Variants in WIPF1 observed in about 807,000 individuals in gnomAD.
The protein encoded by WIPF1 is WAS/WASL-interacting protein family member 1.
A neutral mutation model predicts 35.4 loss-of-function variants in WIPF1; 13 were observed. The ratio of observed to expected loss-of-function variants is 0.37; its 90% CI spans 0.24 to 0.58. The LOEUF (loss-of-function observed/expected upper bound fraction) is 0.58. Ranked by LOEUF, WIPF1 falls within the 20% of genes least tolerant of loss-of-function variation. WIPF1 has a pLI of 0.74. For synonymous variants in WIPF1, 267 were observed against 266.3 expected (o/e 1.00, Z -0.02); for missense variants, 591 against 667.0 (o/e 0.89, Z 1.25).
Position 174,568,093 on chromosome 2 carries a change from T to G in WIPF1, c.1130-20A>C. ...GGGGGCCTGGAGCAAAAAAAGACAC[T>G]TAGTGCAGAACCTTACATCCACATT... is the stretch of plus-strand genomic sequence containing the variant. On this transcript the variant is annotated intron_variant, in intron 5 of 7. Coordinates refer to ENST00000679041, the MANE Select transcript of WIPF1 (RefSeq NM_001375834.1). The G allele has an allele frequency of 6.2e-7, 1 of 1,604,260 alleles. No individual in the cohort carries two copies. The highest frequency in any genetic ancestry group is 8.5e-7 in the Non-Finnish European group (1 of 1,176,366).
intron 1 of WIPF1, among the ~76,000 whole-genome samples, chr2:174,639,791 C>T (rs921861522): frequency 2.0e-5 from 3 of 152,144 alleles, no homozygotes; most frequent in Non-Finnish European, 4.4e-5. Flanking sequence ...TCCAGACCAA[C>T]GTCAAGAAGA....
Position 174,571,545 on chromosome 2 carries a change from G to A in WIPF1, c.1129+131C>T, listed in dbSNP as rs752104644. ...GAGGTCACGATCACACGTGTCGTGT[G>A]CCACTTAAAAGCACAAAGCAGTCTG... On this transcript the variant is annotated intron_variant, in intron 5 of 7. Coordinates refer to ENST00000679041, the MANE Select transcript of WIPF1 (RefSeq NM_001375834.1). This position sits in a 1 kb window ranked among gnomAD's most constrained non-coding sequence, Gnocchi z 4.6. 9.5e-6 allele frequency: 12 copies of A among 1,258,662 alleles called. No homozygotes were observed. In the African/African-American group the frequency reaches 1.2e-4, roughly 12 times the overall value. The allele number at this position is 1,258,662 out of a possible 1,614,324, so 78.0% of individuals were successfully genotyped here. A position where few individuals can be genotyped will look rare whatever the true frequency, so the allele number is the denominator to read the frequency against.
At chr2:174,585,000 T>C (rs1685358706) in intron 2 of WIPF1, among the ~76,000 whole-genome samples, 1 of 151,678 alleles carries the variant, frequency 6.6e-6, no homozygotes, top group African/African-American at 2.4e-5. Flanking sequence ...TAAAGGAGGA[T>C]GTGAATGTGT....
At position 174,562,637 on chromosome 2, in the gene WIPF1, T is replaced by G. The variant is rs761711103; in HGVS notation, c.1457-35A>C. 2.5e-6 allele frequency: 4 copies of G among 1,612,124 alleles called. No individual in the cohort carries two copies. In the East Asian group the frequency reaches 6.7e-5, roughly 27 times the overall value. On this transcript the variant is annotated intron_variant, in intron 7 of 7. Transcript: ENST00000679041. Reference sequence around the variant, plus strand: ...AAAACAGACAAAATATAATTTTGGTTAGAAAGCTGATGTTCTCATCGTGGA... The same window carrying G: ...AAAACAGACAAAATATAATTTTGGTGAGAAAGCTGATGTTCTCATCGTGGA...
At chr2:174,586,055 A>G (rs952773019) in intron 1 of WIPF1, among the ~76,000 whole-genome samples, 2 of 152,168 alleles carry the variant, frequency 1.3e-5, no homozygotes, top group South Asian at 2.1e-4. Flanking sequence ...TCTTCCTGAC[A>G]TTCGCCAAGT....
At chr2:174,670,776 T>C (rs752139225) in intron 1 of WIPF1, among the ~76,000 whole-genome samples, 24 of 152,324 alleles carry the variant, frequency 1.6e-4, no homozygotes, top group African/African-American at 2.9e-4. Context: ...GAATTCTCAA[T>C]GGCAATGCCC....
chr2:174,570,800 CATA>C (rs1684806324), intron 5 of WIPF1, among the ~76,000 whole-genome samples: 1 of 152,204 alleles, frequency 6.6e-6, no homozygotes, highest in Non-Finnish European at 1.5e-5. Flanking sequence ...CATTTCCAGA[CATA>C]ATAAGGTCTG....
intron 1 of WIPF1, among the ~76,000 whole-genome samples, chr2:174,606,735 T>C (rs1489300317): frequency 6.6e-6 from 1 of 152,224 alleles, no homozygotes; most frequent in Non-Finnish European, 1.5e-5. Flanking sequence ...AAGAGCTAAA[T>C]TGGCTTCTCT....
Position 174,571,364 on chromosome 2 carries a change from G to C in WIPF1, c.1129+312C>G, listed in dbSNP as rs1398395391. On this transcript the variant is annotated intron_variant, in intron 5 of 7. Transcript: ENST00000679041. The surrounding 1 kb of genome is among the most constrained non-coding windows in gnomAD (Gnocchi z 4.6). ...AAATTCTCTCTAGGGAGGCAGGGTA[G>C]TGGACTGGCAAGTACACTTCAGAGA... 1.7e-6 allele frequency: 1 copy of C among 579,054 alleles called. No homozygotes were observed. The highest frequency in any genetic ancestry group is 1.9e-5 in the African/African-American group (1 of 53,148). The allele number at this position is 579,054 out of a possible 1,614,324, so 35.9% of individuals were successfully genotyped here. A position where few individuals can be genotyped will look rare whatever the true frequency, so the allele number is the denominator to read the frequency against.
intron 1 of WIPF1, among the ~76,000 whole-genome samples, chr2:174,658,252 A>T (rs546189231): frequency 6.6e-6 from 1 of 152,296 alleles, no homozygotes; most frequent in East Asian, 1.9e-4. Flanking sequence ...ATAACCTCAC[A>T]CCCACACAAA....
At chr2:174,581,245 G>A in intron 3 of WIPF1, 65 bp downstream of exon 3, 2 of 1,593,196 alleles carry the variant, frequency 1.3e-6, no homozygotes, top group Non-Finnish European at 1.7e-6. Context: ...TGAGTGGTGA[G>A]GGTAGGGTTG....
At chr2:174,615,745 C>A (rs1287424591) in intron 1 of WIPF1, among the ~76,000 whole-genome samples, 2 of 152,104 alleles carry the variant, frequency 1.3e-5, no homozygotes, top group Non-Finnish European at 2.9e-5. Context: ...CAAAAGAGTT[C>A]TGTGGAATTC....
intron 1 of WIPF1, chr2:174,625,712 G>A (rs983325861): frequency 3.3e-5 from 5 of 152,106 alleles, no homozygotes; most frequent in Non-Finnish European, 1.5e-5. Flanking sequence ...TTATTCCAGG[G>A]TACTAACATA....
At chr2:174,630,007 C>T (rs1267920139) in intron 1 of WIPF1, 2 of 152,174 alleles carry the variant, frequency 1.3e-5, no homozygotes, top group African/African-American at 4.8e-5. Flanking sequence ...CTGAAGATAG[C>T]AGTATTCCAA....
intron 3 of WIPF1, among the ~76,000 whole-genome samples, chr2:174,576,680 A>G (rs2105819566): frequency 6.6e-6 from 1 of 152,352 alleles, no homozygotes; most frequent in South Asian, 2.1e-4. Flanking sequence ...TATTCTGTCT[A>G]GTCTTCTGGG....
intron 1 of WIPF1, among the ~76,000 whole-genome samples, chr2:174,621,738 TA>T (rs1307446071): frequency 5.9e-5 from 9 of 152,230 alleles, no homozygotes; most frequent in Non-Finnish European, 1.2e-4. Context: ...CGAGATATTT[TA>T]TATTGTCCTT....
chr2:174,633,781 C>T (rs149593433), intron 1 of WIPF1, among the ~76,000 whole-genome samples: 3 of 152,290 alleles, frequency 2.0e-5, no homozygotes, highest in Admixed American at 2.0e-4. Flanking sequence ...GCTCTGGCAA[C>T]CGTCACACCT....
chr2:174,652,267 A>G (rs1317890093), intron 1 of WIPF1, among the ~76,000 whole-genome samples: 1 of 152,204 alleles, frequency 6.6e-6, no homozygotes, highest in Non-Finnish European at 1.5e-5. Context: ...TAAAATACCT[A>G]CAGTAAATCT....
At chr2:174,595,251 A>G (rs1206326162) in intron 1 of WIPF1, among the ~76,000 whole-genome samples, 2 of 137,824 alleles carry the variant, frequency 1.5e-5, no homozygotes, top group African/African-American at 5.5e-5. Flanking sequence ...TGATCATGCC[A>G]TTGCACTCCA....
Sources: allele counts gnomAD v4.1 joint callset (sites outside exome capture counted in the v4.1 genomes callset), GRCh38; gene constraint gnomAD v4.1.1; non-coding constraint Gnocchi (gnomAD v3.1); transcripts MANE v1.5; gene names NCBI Gene and HGNC (gene_info 2026-07-23, HGNC 2026-07-21).